PALM: variants seen among roughly 807,000 people sequenced by gnomAD.
PALM encodes the protein paralemmin.
PALM carries 18 observed loss-of-function variants against 30.7 expected under a neutral mutation model. The ratio of observed to expected loss-of-function variants is 0.59; its 90% confidence interval spans 0.41 to 0.87. The LOEUF is 0.87. PALM is among the 40% of genes least tolerant of loss of function. The probability of loss-of-function intolerance (pLI) is 0.00; values close to 1 mark genes in which losing one functional copy is unlikely to be tolerated. For synonymous variants in PALM, 286 were observed against 242.8 expected, an observed-to-expected ratio of 1.18 and a Z score of -1.66; for missense variants, 529 against 555.4, an observed-to-expected ratio of 0.95 and a Z score of 0.48.
In PALM at chr19:727,569, G is replaced by A; in HGVS notation, c.144G>A (p.Lys48=). 1.3e-6 allele frequency: 2 copies of A among 1,587,816 alleles called. No individual in the cohort carries two copies. Among genetic ancestry groups the A allele is most frequent in the South Asian group, 1.1e-5 (1 of 87,222 alleles). The change falls in exon 4 of 9, where the codon AAG becomes AAA. Residue 48 remains lysine (K), a synonymous_variant. Transcript: ENST00000338448. ...CCTGGATCCCTGCTGCTCAGTCCAAGGCACTGCGGGAGCGCTGGCTGCTGG... is the reference window on the plus strand; with the variant it reads ...CCTGGATCCCTGCTGCTCAGTCCAAAGCACTGCGGGAGCGCTGGCTGCTGG... ...ERRQLQHLKS[K]ALRERWLLEG...
intron 1 of PALM, among the ~76,000 whole-genome samples, chr19:713,081 G>T (rs1183064087): frequency 2.0e-5 from 3 of 152,318 alleles, no homozygotes; most frequent in African/African-American, 7.2e-5. Flanking sequence ...TGGGTGGGGG[G>T]TTTGCTGCTG....
chr19:720,210 C>T (rs996289873), intron 1 of PALM, among the ~76,000 whole-genome samples: 4 of 151,958 alleles, frequency 2.6e-5, no homozygotes, highest in African/African-American at 9.7e-5. Context: ...CGGCCCCACC[C>T]CCGCGCGCCG....
intron 3 of PALM, 125 bp downstream of exon 3, chr19:727,213 TGACCCTGACCCCGACCCTGACCCC>T: frequency 1.1e-5 from 7 of 646,300 alleles, no homozygotes; most frequent in South Asian, 1.8e-5. Context: ...CCTCCAGCCC[TGACCCTGACCCCGACCCTGACCCC>T]GACCCCGACC....
chr19:742,507 A>G lies in PALM; in HGVS notation c.634+2024A>G, dbSNP rs2033222120. ...GTAATCCCAGATACTTTGGAGGCTG[A>G]AGCAGGAGAATCACTTGAACCCAGG... On this transcript the variant is annotated intron_variant, in intron 8 of 8. Coordinates refer to ENST00000338448, the MANE Select transcript of PALM (RefSeq NM_002579.3). This position sits in a 1 kb window ranked among gnomAD's most constrained non-coding sequence, Gnocchi z 5.5. Among the ~76,000 whole-genome samples, 1 of 152,094 alleles carries G rather than the reference A, an allele frequency of 6.6e-6. No homozygotes were observed. The highest frequency in any genetic ancestry group is 2.4e-5 in the African/African-American group (1 of 41,402).
intron 1 of PALM, among the ~76,000 whole-genome samples, chr19:713,620 C>G (rs1351806738): frequency 2.6e-5 from 4 of 152,198 alleles, no homozygotes; most frequent in African/African-American, 9.7e-5. Context: ...TCGCTGTCAC[C>G]CAGGCTGGAG....
At chr19:735,140 G>C in intron 6 of PALM, 1 of 468,014 alleles carries the variant, frequency 2.1e-6, no homozygotes, top group Non-Finnish European at 2.7e-6. Flanking sequence ...GCCTGTGTCT[G>C]GGGGCCCAGG....
intron 1 of PALM, among the ~76,000 whole-genome samples, chr19:716,936 C>CTTT (rs879839131): frequency 6.8e-6 from 1 of 146,134 alleles, no homozygotes; most frequent in Non-Finnish European, 1.5e-5. Flanking sequence ...ACAGGGTGTA[C>CTTT]TTTTTTTTTT....
rs1164178517 is a variant in PALM, at chr19:727,002, C to T, written c.58-6C>T. The T allele has an allele frequency of 3.3e-6, 5 of 1,519,336 alleles. No individual in the cohort carries two copies. The highest frequency in any genetic ancestry group is 8.9e-7 in the Non-Finnish European group (1 of 1,120,592). 94.1% of individuals were successfully genotyped at this position (1,519,336 alleles called of 1,614,324 possible). On this transcript the variant is annotated splice_region_variant and splice_polypyrimidine_tract_variant and intron_variant, in intron 2 of 8. Coordinates refer to ENST00000338448, the MANE Select transcript of PALM (RefSeq NM_002579.3). ...CATCCCTGACCCCACCCGGCCCTCC[C>T]CACAGGAGAAGCGGAAGCGGCAGGC... is the stretch of plus-strand genomic sequence containing the variant.
chr19:725,012 C>T lies in PALM; in HGVS notation c.6-1126C>T, dbSNP rs573982714. 4.4e-4 allele frequency among the ~76,000 whole-genome samples: 67 copies of T among 151,624 alleles called. 1 individual carries two copies. The highest frequency in any genetic ancestry group is 2.8e-3 in the Admixed American group (42 of 15,222). ...TCGGCTCACTGCAGCCTCGACCTCC[C>T]GGGTTCAAGTGATTCTCCCACCTCA... On this transcript the variant is annotated intron_variant, in intron 1 of 8. Transcript: ENST00000338448.
chr19:719,934 A>G (rs986824129), intron 1 of PALM, among the ~76,000 whole-genome samples: 1 of 151,632 alleles, frequency 6.6e-6, no homozygotes, highest in Non-Finnish European at 1.5e-5. Context: ...ATTTCGCTTA[A>G]TTTTTCCAAT....
intron 1 of PALM, among the ~76,000 whole-genome samples, chr19:718,645 G>A (rs10415530): frequency 0.011 from 1,737 of 152,140 alleles, 36 homozygotes; most frequent in African/African-American, 0.039. Flanking sequence ...CCTCTCTGCC[G>A]TAACCCGTTT....
At position 735,190 on chromosome 19, in the gene PALM, GGGGCCCA is replaced by G. The variant is rs2032987773; in HGVS notation, c.443-826_443-820del. Reference sequence around the variant, plus strand: ...TGTCTGGGTGGGGTCTGTGTGTCTGGGGGCCCAGGTGCCTGTGTCCTGGTGTCTGGGT... The same window carrying G: ...TGTCTGGGTGGGGTCTGTGTGTCTGGGGTGCCTGTGTCCTGGTGTCTGGGT... On this transcript the variant is annotated intron_variant, in intron 6 of 8. Transcript: ENST00000338448. 2 of 128,450 alleles carry G rather than the reference GGGGCCCA, an allele frequency of 1.6e-5. 1 individual carries two copies. The highest frequency in any genetic ancestry group is 6.9e-5 in the African/African-American group (2 of 28,958). The allele number at this position is 128,450 out of a possible 1,614,324, so 8.0% of individuals were successfully genotyped here.
At chr19:727,499 A>T in intron 3 of PALM, 65 bp from the exon 4 acceptor site, 2 of 1,326,634 alleles carry the variant, frequency 1.5e-6, no homozygotes, top group Non-Finnish European at 2.1e-6. Context: ...CCCTGACCTC[A>T]GTCTTAAGTC....
chr19:730,553 G>A (rs2032837490), intron 4 of PALM, among the ~76,000 whole-genome samples: 1 of 152,206 alleles, frequency 6.6e-6, no homozygotes. Flanking sequence ...GACATAAACA[G>A]CGCAGGCCAG....
intron 2 of PALM, 48 bp downstream of exon 2, chr19:726,237 G>A (rs1358349638): frequency 6.5e-7 from 1 of 1,530,400 alleles, no homozygotes. Context: ...TGGGGAAGTG[G>A]GGGGACCTGG....
intron 5 of PALM, among the ~76,000 whole-genome samples, chr19:732,133 C>T (rs533782603): frequency 8.5e-5 from 13 of 152,280 alleles, no homozygotes; most frequent in South Asian, 2.1e-4. Flanking sequence ...CGCACCACCA[C>T]GCCCGGCTAA....
intron 1 of PALM, among the ~76,000 whole-genome samples, chr19:720,724 C>G (rs1417096325): frequency 6.6e-6 from 1 of 152,120 alleles, no homozygotes; most frequent in Non-Finnish European, 1.5e-5. Context: ...CCTGACATTC[C>G]CCCGCCCTGG....
At position 746,176 on chromosome 19, in the gene PALM, T is replaced by G; in HGVS notation, c.635-109T>G. Reference sequence around the variant, plus strand: ...CTAGTTCGTGATTTCCTCTTTAGCCTGGAGGAGGATACAAGCCTTGCCAAG... The same window carrying G: ...CTAGTTCGTGATTTCCTCTTTAGCCGGGAGGAGGATACAAGCCTTGCCAAG... On this transcript the variant is annotated intron_variant, in intron 8 of 8. Coordinates refer to ENST00000338448, the MANE Select transcript of PALM (RefSeq NM_002579.3). The surrounding 1 kb of genome is among the most constrained non-coding windows in gnomAD (Gnocchi z 7.1). 1.3e-6 allele frequency: 1 copy of G among 765,908 alleles called. No individual in the cohort carries two copies. The highest frequency in any genetic ancestry group is 2.2e-6 in the Non-Finnish European group (1 of 457,532). The allele number at this position is 765,908 out of a possible 1,614,324, so 47.4% of individuals were successfully genotyped here.
chr19:717,599 G>A (rs1188125080), intron 1 of PALM, among the ~76,000 whole-genome samples: 1 of 152,200 alleles, frequency 6.6e-6, no homozygotes, highest in African/African-American at 2.4e-5. Flanking sequence ...GTTACCCCCC[G>A]AGATGGTTGG....
Sources: allele counts gnomAD v4.1 joint callset (sites outside exome capture counted in the v4.1 genomes callset), GRCh38; gene constraint gnomAD v4.1.1; non-coding constraint Gnocchi (gnomAD v3.1); transcripts MANE v1.5; gene names NCBI Gene and HGNC (gene_info 2026-07-23, HGNC 2026-07-21).